ATP9A: variants seen among roughly 807,000 people sequenced by gnomAD.
ATP9A encodes probable phospholipid-transporting ATPase IIA.
In ATP9A, 52 loss-of-function variants were observed where a neutral mutation model predicts 144.1. The ratio of observed to expected loss-of-function variants is 0.36; its 90% CI spans 0.29 to 0.45. ATP9A has a LOEUF of 0.45. Ranked by LOEUF, ATP9A falls within the 20% of genes least tolerant of loss-of-function variation. The probability of loss-of-function intolerance (pLI) is 1.00; values close to 1 mark genes in which losing one functional copy is unlikely to be tolerated. For missense variants in ATP9A, 947 were observed against 1,392.7 expected, an observed-to-expected ratio of 0.68 and a Z score of 5.09; for synonymous variants, 582 against 557.4, an observed-to-expected ratio of 1.04 and a Z score of -0.62.
At chr20:51,768,181 G>C in intron 1 of ATP9A, 121 bp downstream of exon 1, 3 of 502,810 alleles carry the variant, frequency 6.0e-6, no homozygotes, top group Non-Finnish European at 5.6e-6. Context: ...CCCCAGCCCT[G>C]CCCCAGGCTC....
intron 23 of ATP9A, among the ~76,000 whole-genome samples, chr20:51,613,247 C>T (rs749661319): frequency 5.9e-5 from 9 of 152,184 alleles, no homozygotes; most frequent in Non-Finnish European, 8.8e-5. Flanking sequence ...AGGTGAAAAA[C>T]CAGGGCCTGA....
intron 11 of ATP9A, among the ~76,000 whole-genome samples, 193 bp from the exon 12 acceptor site, chr20:51,671,450 A>G (rs1317847771): frequency 6.6e-6 from 1 of 151,990 alleles, no homozygotes; most frequent in Non-Finnish European, 1.5e-5. Context: ...GAACAAATCC[A>G]TTATTGTCAC....
In ATP9A at chr20:51,624,420, G is replaced by A. The variant is rs553926287; in HGVS notation, c.2016+772C>T. Among the ~76,000 whole-genome samples the A allele has an allele frequency of 2.6e-5, 4 of 152,216 alleles. No individual in the cohort carries two copies. In the East Asian group the frequency reaches 5.8e-4, roughly 22 times the overall value. ...TCCACTGAGGACCAGGTCCTCACGC[G>A]CCCTCTGCTGGCCCCTCCAGATTCA... On this transcript the variant is annotated intron_variant, in intron 18 of 27. Coordinates refer to ENST00000338821, the MANE Select transcript of ATP9A (RefSeq NM_006045.3).
At chr20:51,608,835 G>A (rs911884124) in intron 24 of ATP9A, among the ~76,000 whole-genome samples, 13 of 152,040 alleles carry the variant, frequency 8.6e-5, no homozygotes, top group African/African-American at 2.9e-4. Flanking sequence ...CCCGGTCAGC[G>A]AGTCAATAAA....
intron 1 of ATP9A, among the ~76,000 whole-genome samples, chr20:51,731,719 CA>C (rs59560813): frequency 8.6e-4 from 119 of 137,580 alleles, no homozygotes; most frequent in East Asian, 1.9e-3. Flanking sequence ...ACTCCATCTC[CA>C]AAAAAAAAAA....
chr20:51,745,584 C>T (rs1253069558), intron 1 of ATP9A, among the ~76,000 whole-genome samples: 2 of 152,152 alleles, frequency 1.3e-5, no homozygotes, highest in African/African-American at 4.8e-5. Context: ...GCACTACTGG[C>T]ACGTAGTGGG....
intron 25 of ATP9A, among the ~76,000 whole-genome samples, chr20:51,608,035 A>C (rs1434444130): frequency 1.5e-5 from 2 of 133,356 alleles, no homozygotes; most frequent in African/African-American, 5.1e-5. Context: ...CAAAGTGAGA[A>C]TTAGTCTCAA....
rs576059103 is a variant in ATP9A at position 51,707,618 on chromosome 20, T to C, written c.436+5348A>G. 2.6e-5 allele frequency among the ~76,000 whole-genome samples: 4 copies of C among 152,254 alleles called. No individual in the cohort carries two copies. The South Asian group carries it at 8.3e-4, about 32-fold the overall frequency. ...ACTCCTGAACCCTGGCAGAGCAAGTTTGGAGCCACTACTTTCAACTCCTGG... is the reference window on the plus strand; with the variant it reads ...ACTCCTGAACCCTGGCAGAGCAAGTCTGGAGCCACTACTTTCAACTCCTGG... On this transcript the variant is annotated intron_variant, in intron 4 of 27. Transcript: ENST00000338821.
chr20:51,683,562 G>A (rs569658851), intron 9 of ATP9A, among the ~76,000 whole-genome samples: 9 of 152,220 alleles, frequency 5.9e-5, no homozygotes, highest in Admixed American at 5.2e-4. Flanking sequence ...GATTATAGGC[G>A]TGAGCCACCT....
chr20:51,667,154 G>A (rs759062413), intron 13 of ATP9A, among the ~76,000 whole-genome samples: 2 of 152,190 alleles, frequency 1.3e-5, no homozygotes, highest in Non-Finnish European at 2.9e-5. Flanking sequence ...TGAGGTTCAC[G>A]GTAAGAAGTG....
At chr20:51,619,353 C>T (rs1037446090) in intron 19 of ATP9A, among the ~76,000 whole-genome samples, 3 of 152,078 alleles carry the variant, frequency 2.0e-5, no homozygotes, top group Non-Finnish European at 4.4e-5. Context: ...CACTTGAAGT[C>T]AGGAGTTTGA....
intron 26 of ATP9A, among the ~76,000 whole-genome samples, chr20:51,605,362 A>G (rs186982969): frequency 6.1e-4 from 93 of 152,358 alleles, no homozygotes; most frequent in African/African-American, 2.1e-3. Flanking sequence ...CTCAGGCCTG[A>G]AAACCCACAA....
rs1005342142 is a variant in ATP9A, at chr20:51,663,917, T to C, written c.1293+6080A>G. On this transcript the variant is annotated intron_variant, in intron 13 of 27. Coordinates refer to ENST00000338821, the MANE Select transcript of ATP9A (RefSeq NM_006045.3). ...TGATGAACTGAGTGCATCCTGTGTA[T>C]ATATGTTGTGTGTAGAAAAATAAAT... Among the ~76,000 whole-genome samples, 5 of 152,090 alleles carry C rather than the reference T, an allele frequency of 3.3e-5. No individual in the cohort carries two copies. In the East Asian group the frequency reaches 9.6e-4, roughly 29 times the overall value.
At chr20:51,619,893 G>T (rs1249733036) in intron 19 of ATP9A, among the ~76,000 whole-genome samples, 5 of 138,188 alleles carry the variant, frequency 3.6e-5, no homozygotes, top group African/African-American at 1.3e-4. Context: ...AAAAAAGCCT[G>T]TACTTTCATT....
At chr20:51,713,332 G>C (rs1411517299) in intron 3 of ATP9A, among the ~76,000 whole-genome samples, 1 of 152,122 alleles carries the variant, frequency 6.6e-6, no homozygotes. Context: ...ACACAAGCAC[G>C]TCCACATTCA....
intron 26 of ATP9A, 32 bp from the exon 27 acceptor site, chr20:51,605,052 C>A: frequency 6.5e-7 from 1 of 1,543,540 alleles, no homozygotes; most frequent in East Asian, 2.4e-5. Context: ...ATTCCCCTCA[C>A]CCTCCCTGCG....
chr20:51,674,024 TG>T, intron 11 of ATP9A, 128 bp downstream of exon 11: 1 of 1,188,004 alleles, frequency 8.4e-7, no homozygotes, highest in Non-Finnish European at 1.1e-6. Context: ...CCCTCCAGCC[TG>T]GGCAACAAGA....
intron 13 of ATP9A, 96 bp downstream of exon 13, chr20:51,669,901 G>T: frequency 1.2e-6 from 1 of 835,572 alleles, no homozygotes; most frequent in Non-Finnish European, 2.0e-6. Flanking sequence ...CTCTTGAAAT[G>T]GGTGAATTGT....
intron 1 of ATP9A, among the ~76,000 whole-genome samples, chr20:51,745,947 G>A (rs1487887708): frequency 6.6e-6 from 1 of 152,156 alleles, no homozygotes; most frequent in African/African-American, 2.4e-5. Context: ...ATCAAAGACA[G>A]ACTGGATAAA....
Sources: gnomAD v4.1 joint callset for allele counts (sites outside exome capture counted in the v4.1 genomes callset) on GRCh38, gnomAD v4.1.1 for gene constraint, MANE v1.5 for transcripts, NCBI Gene and HGNC (gene_info 2026-07-23, HGNC 2026-07-21) for gene names.